Variants in MYO18B observed in about 807,000 individuals in gnomAD.
MYO18B encodes the protein unconventional myosin-XVIIIb.
A neutral mutation model predicts 273.0 loss-of-function variants in MYO18B; 204 were observed. The observed-to-expected ratio is 0.75, with a 90% CI of 0.67 to 0.84. The LOEUF (loss-of-function observed/expected upper bound fraction) is 0.84. Among genes scored for constraint, MYO18B ranks in the 40% least tolerant of loss-of-function variants. The probability of loss-of-function intolerance (pLI) is 0.00; values close to 1 mark genes in which losing one functional copy is unlikely to be tolerated. For missense variants in MYO18B, 3,212 were observed against 3,287.6 expected, an observed-to-expected ratio of 0.98 and a Z score of 0.56; for synonymous variants, 1,330 against 1,305.7, an observed-to-expected ratio of 1.02 and a Z score of -0.40.
chr22:25,840,132 C>T (rs1198367617), intron 17 of MYO18B, among the ~76,000 whole-genome samples: 2 of 152,202 alleles, frequency 1.3e-5, no homozygotes, highest in African/African-American at 4.8e-5. Flanking sequence ...TGCTTGCCTG[C>T]TTGTTGCCAT....
chr22:25,999,382 A>G (rs1012832043), intron 40 of MYO18B, among the ~76,000 whole-genome samples: 7 of 152,192 alleles, frequency 4.6e-5, no homozygotes, highest in Admixed American at 3.3e-4. Context: ...CCCAGGCAAC[A>G]TTTGCATTTA....
intron 34 of MYO18B, among the ~76,000 whole-genome samples, 175 bp downstream of exon 34, chr22:25,921,584 A>G (rs907128131): frequency 1.3e-5 from 2 of 152,000 alleles, no homozygotes; most frequent in Non-Finnish European, 2.9e-5. Flanking sequence ...AGTGTAGGTG[A>G]GGAGGAGGGG....
chr22:25,812,901 C>A (rs370676295), intron 12 of MYO18B, among the ~76,000 whole-genome samples: 103 of 152,298 alleles, frequency 6.8e-4, no homozygotes, highest in African/African-American at 2.4e-3. Context: ...TCATGGTCAC[C>A]TGACTCCTGA....
chr22:25,847,350 A>C (rs2090281848), intron 19 of MYO18B, 80 bp from the exon 20 acceptor site: 1 of 1,318,952 alleles, frequency 7.6e-7, no homozygotes, highest in Non-Finnish European at 1.1e-6. Flanking sequence ...GTTGGGCTTA[A>C]TGAATATTTG....
chr22:26,060,690 A>G, the MYO18B span, among the ~76,000 whole-genome samples: 136 of 152,252 alleles, frequency 8.9e-4, 1 homozygote, highest in African/African-American at 3.1e-3. Flanking sequence ...CTACACACAT[A>G]TGTACATACA....
chr22:25,798,960 C>G (rs1305607813), intron 12 of MYO18B, among the ~76,000 whole-genome samples: 1 of 152,056 alleles, frequency 6.6e-6, no homozygotes, highest in Non-Finnish European at 1.5e-5. Context: ...TAAGTGTCTG[C>G]TTGCGATTTT....
intron 12 of MYO18B, among the ~76,000 whole-genome samples, chr22:25,815,838 C>T (rs1170098240): frequency 6.6e-6 from 1 of 152,196 alleles, no homozygotes; most frequent in African/African-American, 2.4e-5. Flanking sequence ...GTCCATAAAG[C>T]CTTCTTTTCC....
chr22:25,807,536 T>C (rs1391273296), intron 12 of MYO18B, among the ~76,000 whole-genome samples: 1 of 152,174 alleles, frequency 6.6e-6, no homozygotes, highest in South Asian at 2.1e-4. Flanking sequence ...TGATGAAGCG[T>C]AGGAAGGCTG....
intron 42 of MYO18B, among the ~76,000 whole-genome samples, chr22:26,020,654 G>A (rs759197335): frequency 3.3e-5 from 5 of 152,170 alleles, no homozygotes; most frequent in Non-Finnish European, 5.9e-5. Flanking sequence ...GTAGTACTGG[G>A]GGTAATGGAG....
rs749147928 is a variant in MYO18B at position 25,847,455 on chromosome 22, G to A, written c.3578G>A (p.Arg1193Lys). 1 of 1,574,802 alleles carries A rather than the reference G, an allele frequency of 6.3e-7. No individual in the cohort carries two copies. The highest frequency in any genetic ancestry group is 1.2e-5 in the South Asian group (1 of 85,354). ...QMDALTSMIK[R>K]SRLHFIHCLV... The stretch of plus-strand genomic sequence containing the variant: ...GATGCGCTGACCAGCATGATCAAAA[G>A]GTCCCGGCTGCACTTTATCCACTGC... The change falls in exon 20 of 44, where the codon AGG (arginine) becomes AAG (lysine). Residue 1193 changes from arginine to lysine, a missense_variant. Physicochemically the swap from Arg to Lys is conservative, Grantham distance 26 (BLOSUM62 2). Transcript: ENST00000335473.
intron 12 of MYO18B, among the ~76,000 whole-genome samples, chr22:25,800,620 C>T (rs1396014959): frequency 6.6e-6 from 1 of 152,208 alleles, no homozygotes; most frequent in Non-Finnish European, 1.5e-5. Context: ...GCTGGGGACC[C>T]CTGGGAGACT....
At chr22:25,795,629 G>A (rs1245319598) in intron 11 of MYO18B, among the ~76,000 whole-genome samples, 3 of 152,246 alleles carry the variant, frequency 2.0e-5, no homozygotes, top group East Asian at 3.9e-4. Flanking sequence ...GATGCCTTCC[G>A]TCCCTCTGTT....
intron 12 of MYO18B, among the ~76,000 whole-genome samples, chr22:25,817,634 A>G (rs1264370505): frequency 1.3e-5 from 2 of 152,054 alleles, no homozygotes; most frequent in African/African-American, 4.8e-5. Context: ...CACTCTTTCC[A>G]AAACCACTGT....
intron 15 of MYO18B, among the ~76,000 whole-genome samples, chr22:25,832,374 G>A (rs998887398): frequency 1.3e-5 from 2 of 152,110 alleles, no homozygotes; most frequent in Non-Finnish European, 2.9e-5. Flanking sequence ...ATTGACAGGC[G>A]ATGGACAAGC....
chr22:25,933,542 T>C (rs982794057), intron 34 of MYO18B, among the ~76,000 whole-genome samples: 6 of 152,182 alleles, frequency 3.9e-5, no homozygotes, highest in Non-Finnish European at 5.9e-5. Context: ...TTGCCTTTTT[T>C]CCCTCTATTT....
Position 25,759,460 on chromosome 22 carries a change from G to A in MYO18B, c.-109-1524G>A, listed in dbSNP as rs182922434. 2.6e-5 allele frequency among the ~76,000 whole-genome samples: 4 copies of A among 151,808 alleles called. No homozygotes were observed. The East Asian group carries it at 7.8e-4, about 30-fold the overall frequency. On this transcript the variant is annotated intron_variant, in intron 1 of 43. Coordinates refer to ENST00000335473, the MANE Select transcript of MYO18B (RefSeq NM_032608.7). ...ACTGCACGTTCTCACTCAAATAGGA[G>A]TTGAACAATGAGAACACATGGACAC... is the stretch of plus-strand genomic sequence containing the variant.
chr22:25,895,072 C>G, intron 27 of MYO18B, 84 bp from the exon 28 acceptor site: 1 of 1,500,270 alleles, frequency 6.7e-7, no homozygotes, highest in Middle Eastern at 1.7e-4. Flanking sequence ...TGCCAAGAGC[C>G]AAGAAAGTGG....
At chr22:25,762,988 A>G in intron 2 of MYO18B, 2 of 678,524 alleles carry the variant, frequency 2.9e-6, no homozygotes. Context: ...GAGTGGATCC[A>G]GGCAGAAATC....
intron 1 of MYO18B, among the ~76,000 whole-genome samples, chr22:25,755,457 C>T (rs910399136): frequency 1.3e-5 from 2 of 152,224 alleles, no homozygotes; most frequent in African/African-American, 2.4e-5. Flanking sequence ...CCGCCTGCCT[C>T]GGCCTCCCAA....
Sources: gnomAD v4.1 joint callset for allele counts (sites outside exome capture counted in the v4.1 genomes callset) on GRCh38, gnomAD v4.1.1 for gene constraint, MANE v1.5 for transcripts, NCBI Gene and HGNC (gene_info 2026-07-23, HGNC 2026-07-21) for gene names.